The following STK32B variants were observed in gnomAD, a reference collection of about 807,000 sequenced individuals.
The protein encoded by STK32B is serine/threonine-protein kinase 32B.
STK32B carries 43 observed loss-of-function variants against 52.6 expected under a neutral mutation model. That is an observed-to-expected ratio of 0.82 (90% CI 0.64 to 1.05). STK32B has a LOEUF of 1.05. Ranked by LOEUF, STK32B falls within the 50% of genes least tolerant of loss-of-function variation. The pLI is 0.00. For missense variants in STK32B, 621 were observed against 534.6 expected (o/e 1.16, Z -1.59); for synonymous variants, 238 against 204.3 (o/e 1.17, Z -1.41).
chr4:5,241,492 T>A (rs1009244423), intron 3 of STK32B, among the ~76,000 whole-genome samples: 5 of 152,180 alleles, frequency 3.3e-5, no homozygotes, highest in African/African-American at 1.2e-4. Flanking sequence ...ATCATGCAGG[T>A]GGAATCCATT....
intron 3 of STK32B, among the ~76,000 whole-genome samples, chr4:5,228,445 G>A (rs1040353720): frequency 6.6e-6 from 1 of 152,176 alleles, no homozygotes; most frequent in African/African-American, 2.4e-5. Context: ...TTTGAGCTTC[G>A]TCAGCCAGTG....
At chr4:5,207,489 C>G (rs542848026) in intron 3 of STK32B, among the ~76,000 whole-genome samples, 2 of 152,172 alleles carry the variant, frequency 1.3e-5, no homozygotes, top group East Asian at 3.9e-4. Flanking sequence ...ATTGTGAGGC[C>G]TCTCCAGCCA....
chr4:5,147,703 A>G (rs1717019644), intron 2 of STK32B, among the ~76,000 whole-genome samples: 1 of 152,012 alleles, frequency 6.6e-6, no homozygotes. Context: ...ATATTTTGTT[A>G]CTATGCTAAA....
intron 2 of STK32B, among the ~76,000 whole-genome samples, chr4:5,167,556 C>T (rs1169160814): frequency 6.6e-6 from 1 of 152,166 alleles, no homozygotes; most frequent in Non-Finnish European, 1.5e-5. Flanking sequence ...AGAAAGAACA[C>T]AGAGAAGGGT....
chr4:5,250,012 G>T lies in STK32B; in HGVS notation c.261-81208G>T, dbSNP rs1725802344. ...TATCAGTGAGAACATGCAGTATTTG[G>T]TTTTCTGTTCCTGGGTTAGTTTGCT... On this transcript the variant is annotated intron_variant, in intron 3 of 11. Coordinates refer to ENST00000282908, the MANE Select transcript of STK32B (RefSeq NM_018401.3). Among the ~76,000 whole-genome samples, 3 of 152,004 alleles carry T rather than the reference G, an allele frequency of 2.0e-5. No homozygotes were observed. The South Asian group carries it at 6.2e-4, about 32-fold the overall frequency.
rs1331584629 is a variant in STK32B at position 5,395,697 on chromosome 4, A to G, written c.435-2510A>G. On this transcript the variant is annotated intron_variant, in intron 4 of 11. Transcript: ENST00000282908. The surrounding 1 kb of genome is among the most constrained non-coding windows in gnomAD (Gnocchi z 4.4). ...GCTTGAGATTCCACTCTGTGCTAAG[A>G]GCCAACACAGAAGCAATGTGTGTTA... Among the ~76,000 whole-genome samples, 1 of 152,236 alleles carries G rather than the reference A, an allele frequency of 6.6e-6. No individual in the cohort carries two copies. The highest frequency in any genetic ancestry group is 2.4e-5 in the African/African-American group (1 of 41,456).
upstream of STK32B, among the ~76,000 whole-genome samples, chr4:5,050,775 C>T (rs1046306123): frequency 5.9e-5 from 9 of 152,322 alleles, no homozygotes; most frequent in African/African-American, 2.2e-4. Context: ...TACTTAGGCA[C>T]CCGCAACTGT....
chr4:5,111,083 G>C (rs1358860152), intron 1 of STK32B, among the ~76,000 whole-genome samples: 1 of 152,068 alleles, frequency 6.6e-6, no homozygotes, highest in Admixed American at 6.6e-5. Context: ...ACATCAGTCA[G>C]CATGGCTTTT....
At chr4:5,183,617 G>A (rs1440165893) in intron 3 of STK32B, among the ~76,000 whole-genome samples, 1 of 152,170 alleles carries the variant, frequency 6.6e-6, no homozygotes, top group Non-Finnish European at 1.5e-5. Context: ...GGAGCATTCA[G>A]AACACACACA....
chr4:5,193,218 C>T (rs924723369), intron 3 of STK32B, among the ~76,000 whole-genome samples: 5 of 152,142 alleles, frequency 3.3e-5, no homozygotes, highest in Admixed American at 1.3e-4. Context: ...ATGTTGGAAT[C>T]CGCTCTCAGC....
chr4:5,369,624 T>C (rs1176414852), intron 4 of STK32B, among the ~76,000 whole-genome samples: 1 of 152,174 alleles, frequency 6.6e-6, no homozygotes, highest in African/African-American at 2.4e-5. Context: ...TCCTTCTTCA[T>C]GCTGACACAT....
intron 4 of STK32B, among the ~76,000 whole-genome samples, chr4:5,346,743 G>C (rs1173548792): frequency 6.6e-6 from 1 of 152,160 alleles, no homozygotes; most frequent in African/African-American, 2.4e-5. Flanking sequence ...GATTGAATAA[G>C]CTGAAATAAG....
chr4:5,466,667 CAG>C, intron 9 of STK32B, 34 bp from the exon 10 acceptor site: 1 of 1,592,994 alleles, frequency 6.3e-7, no homozygotes, highest in Middle Eastern at 1.7e-4. Context: ...GGGTGGAACG[CAG>C]ACAGACCATG....
intron 1 of STK32B, among the ~76,000 whole-genome samples, chr4:5,070,271 G>A (rs545401387): frequency 6.6e-6 from 1 of 152,076 alleles, no homozygotes; most frequent in Admixed American, 6.5e-5. Context: ...TGGAACTGGT[G>A]GTTGAGGAGC....
rs1265641229 is a variant in STK32B at position 5,469,144 on chromosome 4, G to A, written c.1106+1074G>A. Among the ~76,000 whole-genome samples, 1 of 152,178 alleles carries A rather than the reference G, an allele frequency of 6.6e-6. No homozygotes were observed. Among genetic ancestry groups the A allele is most frequent in the African/African-American group, 2.4e-5 (1 of 41,434 alleles). On this transcript the variant is annotated intron_variant, in intron 11 of 11. Coordinates refer to ENST00000282908, the MANE Select transcript of STK32B (RefSeq NM_018401.3). The surrounding 1 kb of genome is among the most constrained non-coding windows in gnomAD (Gnocchi z 4.7). ...CAGGGGCAGCCGATGAGCCCCATTG[G>A]ACCCACACTAAGCCAAGCTTTGGGT...
intron 1 of STK32B, among the ~76,000 whole-genome samples, chr4:5,136,472 G>C (rs1472786478): frequency 6.6e-6 from 1 of 152,192 alleles, no homozygotes; most frequent in Non-Finnish European, 1.5e-5. Flanking sequence ...AGCAGTGCTT[G>C]TGGCTTCCTC....
At chr4:5,482,265 C>T (rs1012537999) in intron 11 of STK32B, among the ~76,000 whole-genome samples, 1 of 152,158 alleles carries the variant, frequency 6.6e-6, no homozygotes, top group Non-Finnish European at 1.5e-5. Context: ...TTTCGTTGAG[C>T]AGTGGTTTGT....
At chr4:5,069,572 A>G (rs938788418) in intron 1 of STK32B, among the ~76,000 whole-genome samples, 3 of 152,150 alleles carry the variant, frequency 2.0e-5, no homozygotes, top group African/African-American at 2.4e-5. Context: ...TGCCTCTGCT[A>G]CTTCCTAGCT....
chr4:5,344,608 CTTCT>C (rs1261354755), intron 4 of STK32B, among the ~76,000 whole-genome samples: 1 of 151,798 alleles, frequency 6.6e-6, no homozygotes, highest in East Asian at 1.9e-4. Flanking sequence ...TTTATGAAGG[CTTCT>C]TTATTATTGA....
Sources: gnomAD v4.1 joint callset for allele counts (sites outside exome capture counted in the v4.1 genomes callset) on GRCh38, gnomAD v4.1.1 for gene constraint, Gnocchi (gnomAD v3.1) non-coding constraint, MANE v1.5 for transcripts, NCBI Gene and HGNC (gene_info 2026-07-23, HGNC 2026-07-21) for gene names.